MYT1L: variants seen among roughly 807,000 people sequenced by gnomAD.
MYT1L encodes the protein myelin transcription factor 1 like.
A neutral mutation model predicts 126.7 loss-of-function variants in MYT1L; 12 were observed. The observed-to-expected ratio is 0.09, with a 90% CI of 0.06 to 0.15. The LOEUF (loss-of-function observed/expected upper bound fraction) is 0.15. Ranked by LOEUF, MYT1L falls within the 10% of genes least tolerant of loss-of-function variation. MYT1L has a pLI of 1.00. For synonymous variants in MYT1L, 541 were observed against 604.2 expected (o/e 0.90, Z 1.53); for missense variants, 979 against 1,585.2 (o/e 0.62, Z 6.49).
chr2:1,913,549 T>C (rs2149042889), intron 11 of MYT1L, among the ~76,000 whole-genome samples: 1 of 152,264 alleles, frequency 6.6e-6, no homozygotes, highest in East Asian at 1.9e-4. Flanking sequence ...GATGTCGATC[T>C]ACCTACTTCG....
At chr2:2,297,969 A>G (rs1045805192) in intron 1 of MYT1L, among the ~76,000 whole-genome samples, 6 of 152,246 alleles carry the variant, frequency 3.9e-5, no homozygotes, top group Non-Finnish European at 8.8e-5. Context: ...GGACCTGAGA[A>G]GAAAGCTGGC....
chr2:2,129,304 T>C (rs1575372677), intron 3 of MYT1L, among the ~76,000 whole-genome samples: 1 of 152,184 alleles, frequency 6.6e-6, no homozygotes, highest in African/African-American at 2.4e-5. Context: ...AATAAAGATA[T>C]GATAACTGCT....
intron 23 of MYT1L, among the ~76,000 whole-genome samples, chr2:1,794,649 G>A (rs1039588791): frequency 6.6e-6 from 1 of 152,178 alleles, no homozygotes; most frequent in Non-Finnish European, 1.5e-5. Flanking sequence ...TTCTCTGCTG[G>A]AAAGTCTAGC....
chr2:1,988,211 C>A (rs1033788237), intron 5 of MYT1L, among the ~76,000 whole-genome samples: 3 of 152,068 alleles, frequency 2.0e-5, no homozygotes, highest in Non-Finnish European at 4.4e-5. Flanking sequence ...GTGCCACATT[C>A]CAACCCTCCT....
At chr2:1,916,628 G>A (rs1035096109) in intron 11 of MYT1L, among the ~76,000 whole-genome samples, 6 of 152,174 alleles carry the variant, frequency 3.9e-5, no homozygotes, top group East Asian at 1.9e-4. Context: ...TAAAAAGAAT[G>A]CTTAAGATCA....
chr2:2,189,984 C>T (rs191422609), intron 2 of MYT1L, among the ~76,000 whole-genome samples: 5 of 152,272 alleles, frequency 3.3e-5, no homozygotes, highest in Admixed American at 3.3e-4. Context: ...ACACCGAGCT[C>T]TCCCTTCCTC....
intron 3 of MYT1L, among the ~76,000 whole-genome samples, chr2:2,159,796 C>T (rs376583545): frequency 6.6e-6 from 1 of 152,092 alleles, no homozygotes; most frequent in African/African-American, 2.4e-5. Flanking sequence ...TTGCCTAGTA[C>T]CTTTGCATTA....
intron 3 of MYT1L, among the ~76,000 whole-genome samples, chr2:2,154,793 G>C (rs919187003): frequency 9.9e-5 from 15 of 152,130 alleles, no homozygotes; most frequent in African/African-American, 3.6e-4. Context: ...GTTTACCTAT[G>C]GAACAAACCT....
chr2:2,267,064 A>G (rs1354156119), intron 2 of MYT1L, among the ~76,000 whole-genome samples: 1 of 152,238 alleles, frequency 6.6e-6, no homozygotes, highest in Non-Finnish European at 1.5e-5. Flanking sequence ...GGTGAACCAG[A>G]GCAAGCCAGG....
rs1180491743 is a variant in MYT1L, at chr2:1,811,414, C to CTCCAGT, written c.3081-2248_3081-2247insACTGGA. On this transcript the variant is annotated intron_variant, in intron 21 of 24. Coordinates refer to ENST00000647738, the MANE Select transcript of MYT1L (RefSeq NM_001303052.2). The surrounding 1 kb of genome is among the most constrained non-coding windows in gnomAD (Gnocchi z 4.4). ...TCAGCTCTGGCGTCATCAGCTCCAG[C>CTCCAGT]ATCATCAGCTCCCGCGTCCTATCCC... 4 of 152,602 alleles carry CTCCAGT rather than the reference C, an allele frequency of 2.6e-5. No homozygotes were observed. The highest frequency in any genetic ancestry group is 9.7e-5 in the African/African-American group (4 of 41,432). 9.5% of individuals were successfully genotyped at this position (152,602 alleles called of 1,614,324 possible). A position where few individuals can be genotyped will look rare whatever the true frequency, so the allele number is the denominator to read the frequency against.
chr2:2,217,262 C>A (rs909374407), intron 2 of MYT1L, among the ~76,000 whole-genome samples: 1 of 152,144 alleles, frequency 6.6e-6, no homozygotes, highest in Non-Finnish European at 1.5e-5. Context: ...AAATTCTAAA[C>A]AAAATTTTAA....
chr2:2,294,211 G>A (rs750593897), intron 1 of MYT1L, among the ~76,000 whole-genome samples: 2 of 152,158 alleles, frequency 1.3e-5, no homozygotes, highest in Non-Finnish European at 2.9e-5. Context: ...ACTCACGGGC[G>A]GTGCCCCGGT....
At chr2:2,277,647 T>C (rs948908788) in intron 2 of MYT1L, among the ~76,000 whole-genome samples, 1 of 152,184 alleles carries the variant, frequency 6.6e-6, no homozygotes, top group Non-Finnish European at 1.5e-5. Flanking sequence ...AGAATTGAAA[T>C]AGTGTGGAAA....
At chr2:2,192,414 T>C (rs2092631849) in intron 2 of MYT1L, among the ~76,000 whole-genome samples, 2 of 87,094 alleles carry the variant, frequency 2.3e-5, no homozygotes, top group Non-Finnish European at 4.2e-5. Context: ...TCATGTTAGT[T>C]TCATTTTTTT....
At chr2:2,273,946 T>C (rs962499700) in intron 2 of MYT1L, among the ~76,000 whole-genome samples, 2 of 152,150 alleles carry the variant, frequency 1.3e-5, no homozygotes, top group African/African-American at 4.8e-5. Flanking sequence ...AAAATTGCTG[T>C]AAAGACCTTA....
intron 5 of MYT1L, among the ~76,000 whole-genome samples, chr2:1,982,455 A>G (rs181723043): frequency 6.8e-4 from 103 of 152,364 alleles, no homozygotes; most frequent in Non-Finnish European, 1.0e-3. Context: ...TGAGGCTTCC[A>G]TTGGATTCCA....
intron 19 of MYT1L, among the ~76,000 whole-genome samples, chr2:1,849,931 GT>G (rs1208547249): frequency 7.9e-5 from 12 of 151,576 alleles, no homozygotes; most frequent in Middle Eastern, 3.5e-3. Context: ...TCAGGTGAGG[GT>G]CCCCCACTCT....
chr2:2,074,015 T>A (rs1383468722), intron 3 of MYT1L, among the ~76,000 whole-genome samples: 2 of 152,170 alleles, frequency 1.3e-5, no homozygotes, highest in Admixed American at 1.3e-4. Flanking sequence ...TTTTATATTC[T>A]CCATGCAAGG....
At chr2:2,122,322 G>A (rs2081137210) in intron 3 of MYT1L, among the ~76,000 whole-genome samples, 1 of 152,038 alleles carries the variant, frequency 6.6e-6, no homozygotes, top group African/African-American at 2.4e-5. Context: ...TCTCTCCTGG[G>A]GACTCTCATG....
Sources: allele counts gnomAD v4.1 joint callset (sites outside exome capture counted in the v4.1 genomes callset), GRCh38; gene constraint gnomAD v4.1.1; non-coding constraint Gnocchi (gnomAD v3.1); transcripts MANE v1.5; gene names NCBI Gene and HGNC (gene_info 2026-07-23, HGNC 2026-07-21).